MCM7: variants seen among roughly 807,000 people sequenced by gnomAD.
MCM7 encodes the protein DNA replication licensing factor MCM7.
In MCM7, 95 loss-of-function variants were observed where a neutral mutation model predicts 83.5. The observed-to-expected ratio is 1.14, with a 90% CI of 0.96 to 1.35. The LOEUF (loss-of-function observed/expected upper bound fraction) is 1.35. MCM7 is among the 40% of genes most tolerant of loss of function. MCM7 has a pLI of 0.00. For synonymous variants in MCM7, 461 were observed against 352.7 expected, an observed-to-expected ratio of 1.31 and a Z score of -3.44; for missense variants, 1,087 against 957.4, an observed-to-expected ratio of 1.14 and a Z score of -1.79.
chr7:100,094,530 T>C (rs935691235), intron 12 of MCM7, among the ~76,000 whole-genome samples, 189 bp from the exon 13 acceptor site: 6 of 152,220 alleles, frequency 3.9e-5, no homozygotes, highest in African/African-American at 1.4e-4. Flanking sequence ...TCACCAAACG[T>C]ATAGCCCCCA....
At chr7:100,099,881 C>CT in intron 2 of MCM7, 128 bp from the exon 3 acceptor site, 2 of 1,433,714 alleles carry the variant, frequency 1.4e-6, no homozygotes, top group Non-Finnish European at 9.7e-7. Flanking sequence ...AACGCAGCGC[C>CT]ACACAGAGCG....
chr7:100,099,099 C>T lies in MCM7; in HGVS notation c.506G>A (p.Arg169His), dbSNP rs567224279. 14 of 1,614,130 alleles carry T rather than the reference C, an allele frequency of 8.7e-6. No individual in the cohort carries two copies. Among genetic ancestry groups the T allele is most frequent in the African/African-American group, 1.3e-5 (1 of 75,032 alleles). The change falls in exon 5 of 15, where the codon CGT (arginine) becomes CAT (histidine). Residue 169 changes from arginine to histidine, a missense_variant. Transcript: ENST00000303887. Reference protein sequence around the residue: ...KLVTVRGIVTRVSEVKPKMVV... With the variant: ...KLVTVRGIVTHVSEVKPKMVV... ...CATCTTGGGTTTGACTTCAGAGACA[C>T]GAGTGACGATTCCACGCACAGTTAC...
At chr7:100,096,234 A>G in intron 10 of MCM7, 67 bp from the exon 11 acceptor site, 1 of 1,478,090 alleles carries the variant, frequency 6.8e-7, no homozygotes, top group East Asian at 2.3e-5. Context: ...AAAAGACAAC[A>G]AACGGGCCAG....
intron 5 of MCM7, 80 bp from the exon 6 acceptor site, chr7:100,098,795 C>T (rs969531029): frequency 1.1e-5 from 17 of 1,558,824 alleles, no homozygotes; most frequent in Non-Finnish European, 1.5e-5. Context: ...ATCACATTTT[C>T]TCTTCATGGC....
At chr7:100,097,792 TAGGATGTA>T (rs1562896709) in intron 8 of MCM7, 34 bp downstream of exon 8, 4 of 1,614,040 alleles carry the variant, frequency 2.5e-6, no homozygotes, top group Non-Finnish European at 3.4e-6. Context: ...AAAAGGGAGC[TAGGATGTA>T]AACGGAATTT....
chr7:100,096,147 C>A lies in MCM7; in HGVS notation c.1222G>T (p.Gly408Cys). ...APRSQYTTGR[G>C]SSGVGLTAAV... ...GCCGTAAGCCCCACTCCTGAGGAGC[C>A]CCGGCCTGTTGTGTACTGGCCTGGA... The change falls in exon 11 of 15, where the codon GGC (glycine) becomes TGC (cysteine). Residue 408 changes from glycine to cysteine, a missense_variant. Physicochemically the swap from Gly to Cys is radical, Grantham distance 159. Transcript: ENST00000303887. The A allele has an allele frequency of 1.2e-6, 2 of 1,608,122 alleles. No homozygotes were observed. Among genetic ancestry groups the A allele is most frequent in the South Asian group, 2.2e-5 (2 of 90,384 alleles).
chr7:100,100,636 G>T lies in MCM7; in HGVS notation c.32-543C>A, dbSNP rs1251022754. 5.1e-6 allele frequency: 5 copies of T among 989,640 alleles called. No homozygotes were observed. In the African/African-American group the frequency reaches 7.0e-5, roughly 14 times the overall value. The allele number at this position is 989,640 out of a possible 1,614,324, so 61.3% of individuals were successfully genotyped here. ...ATTGGCCATCACACCCAGAGACACCGCGATCCCAGCCCACTGCCGCCTTTC... is the reference window on the plus strand; with the variant it reads ...ATTGGCCATCACACCCAGAGACACCTCGATCCCAGCCCACTGCCGCCTTTC... On this transcript the variant is annotated intron_variant, in intron 1 of 14. Transcript: ENST00000303887.
chr7:100,093,131 G>C lies in MCM7; in HGVS notation c.1961C>G (p.Thr654Ser). The C allele has an allele frequency of 6.2e-7, 1 of 1,613,734 alleles. No individual in the cohort carries two copies. ...AAATATCACATCTGCTGGTCTCTGAGTCCTGAAGGAAATGAGTGGGTGTGT... is the reference window on the plus strand; with the variant it reads ...AAATATCACATCTGCTGGTCTCTGACTCCTGAAGGAAATGAGTGGGTGTGT... ...LLGDKGQTAR[T>S]QRPADVIFAT... Residue 654 changes from threonine to serine, a missense_variant and splice_region_variant, in exon 15 of 15, where the codon ACT (threonine) becomes AGT (serine). Physicochemically the swap from Thr to Ser is moderately conservative, Grantham distance 58 (BLOSUM62 1). Transcript: ENST00000303887.
At chr7:100,098,774 C>T (rs1795778324) in intron 5 of MCM7, 59 bp from the exon 6 acceptor site, 10 of 1,597,938 alleles carry the variant, frequency 6.3e-6, no homozygotes, top group South Asian at 1.1e-5. Context: ...CCCATTGGGT[C>T]GGTCCTTTGA....
In MCM7 at chr7:100,100,102, T is replaced by C. The variant is rs1372123635; in HGVS notation, c.32-9A>G. ...GAACTTCTTAACCTTTTCTGTAACA[T>C]GAAATGTAAAACCGTAAGACACAAA... On this transcript the variant is annotated splice_polypyrimidine_tract_variant and intron_variant, in intron 1 of 14. Coordinates refer to ENST00000303887, the MANE Select transcript of MCM7 (RefSeq NM_005916.5). 2.4e-5 allele frequency: 38 copies of C among 1,613,512 alleles called. No homozygotes were observed. The highest frequency in any genetic ancestry group is 3.1e-5 in the Non-Finnish European group (37 of 1,179,702).
chr7:100,097,816 C>G lies in MCM7; in HGVS notation c.985+18G>C. 6.2e-7 allele frequency: 1 copy of G among 1,614,066 alleles called. No homozygotes were observed. ...CTAGGATGTAAACGGAATTTCCTCT[C>G]TCTCCCCTGCCCCTCACCTGCAATT... On this transcript the variant is annotated intron_variant, in intron 8 of 14. Transcript: ENST00000303887.
intron 13 of MCM7, 26 bp downstream of exon 13, chr7:100,094,147 G>A (rs781473575): frequency 6.8e-6 from 11 of 1,613,968 alleles, no homozygotes; most frequent in South Asian, 1.1e-5. Flanking sequence ...CAAAACAGAT[G>A]GCCCTCCAGC....
intron 14 of MCM7, 34 bp downstream of exon 14, chr7:100,093,258 G>A (rs1426941706): frequency 6.2e-7 from 1 of 1,604,502 alleles, no homozygotes; most frequent in Non-Finnish European, 8.5e-7. Context: ...AGAAGACAAA[G>A]TGACACAGCT....
At chr7:100,100,509 G>A (rs1795926393) in intron 1 of MCM7, 4 of 989,850 alleles carry the variant, frequency 4.0e-6, no homozygotes, top group Non-Finnish European at 3.6e-6. Context: ...CCCCGCTCCC[G>A]CCATCGCTTC....
intron 12 of MCM7, 136 bp from the exon 13 acceptor site, chr7:100,094,477 T>G (rs1204432761): frequency 1.1e-6 from 1 of 922,580 alleles, no homozygotes. Context: ...AAACACAAAT[T>G]AGTGGGTGAT....
At position 100,099,025 on chromosome 7, in the gene MCM7, G is replaced by A. The variant is rs1360757902; in HGVS notation, c.580C>T (p.Pro194Ser). 6.2e-7 allele frequency: 1 copy of A among 1,614,092 alleles called. No individual in the cohort carries two copies. The highest frequency in any genetic ancestry group is 2.2e-5 in the East Asian group (1 of 44,878). Residue 194 changes from proline to serine, a missense_variant and splice_region_variant, in exon 5 of 15, where the codon CCG (proline) becomes TCG (serine). Transcript: ENST00000303887. ...CCTGCTTCTTGCTCCACACGTACCG[G>A]CTGGTAGGTCTCTGCCCCACACTGG... ...CDQCGAETYQ[P>S]IQSPTFMPLI...
At position 100,100,493 on chromosome 7, in the gene MCM7, CCCCACCCCCGCT is replaced by C. The variant is rs1188749557; in HGVS notation, c.32-412_32-401del. The stretch of plus-strand genomic sequence containing the variant: ...TCCGCCACCGCACCCCGCCACCGCA[CCCCACCCCCGCT>C]CCCGCCATCGCTTCCGCTCTTAGTA... On this transcript the variant is annotated intron_variant, in intron 1 of 14. Coordinates refer to ENST00000303887, the MANE Select transcript of MCM7 (RefSeq NM_005916.5). 1.3e-5 allele frequency: 13 copies of C among 1,001,982 alleles called. No individual in the cohort carries two copies. The African/African-American group carries it at 1.7e-4, about 13-fold the overall frequency. The allele number at this position is 1,001,982 out of a possible 1,614,324, so 62.1% of individuals were successfully genotyped here.
chr7:100,099,880 C>T, intron 2 of MCM7, 127 bp from the exon 3 acceptor site: 2 of 1,430,206 alleles, frequency 1.4e-6, no homozygotes, highest in Non-Finnish European at 1.9e-6. Context: ...GAACGCAGCG[C>T]CACACAGAGC....
Position 100,099,599 on chromosome 7 carries a change from T to C in MCM7, c.266A>G (p.Lys89Arg). 1 of 1,613,992 alleles carries C rather than the reference T, an allele frequency of 6.2e-7. No homozygotes were observed. Among genetic ancestry groups the C allele is most frequent in the Middle Eastern group, 1.6e-4 (1 of 6,062 alleles). Reference sequence around the variant, plus strand: ...TCTCTAACCACTCACTTCCCTCTCCTTGTACTGAGGCAGCAGCTCTTGTAC... The same window carrying C: ...TCTCTAACCACTCACTTCCCTCTCCCTGTACTGAGGCAGCAGCTCTTGTAC... Reference protein sequence around the residue: ...DAVQELLPQYKEREVVNKDVL... With the variant: ...DAVQELLPQYREREVVNKDVL... Residue 89 changes from lysine to arginine, a missense_variant, in exon 3 of 15, where the codon AAG (lysine) becomes AGG (arginine). Transcript: ENST00000303887.
Sources: gnomAD v4.1 joint callset for allele counts (sites outside exome capture counted in the v4.1 genomes callset) on GRCh38, gnomAD v4.1.1 for gene constraint, MANE v1.5 for transcripts, NCBI Gene and HGNC (gene_info 2026-07-23, HGNC 2026-07-21) for gene names.